The following MEGF8 variants were observed in gnomAD, a reference collection of about 807,000 sequenced individuals.
MEGF8 encodes multiple EGF like domains 8.
A neutral mutation model predicts 302.9 loss-of-function variants in MEGF8; 156 were observed. That is an observed-to-expected ratio of 0.52 (90% CI 0.45 to 0.59). The LOEUF is 0.59. Among genes scored for constraint, MEGF8 ranks in the 20% least tolerant of loss-of-function variants. The pLI, the probability that MEGF8 is intolerant of heterozygous loss-of-function variation, is 0.00. For missense variants in MEGF8, 3,345 were observed against 3,964.5 expected (o/e 0.84, Z 4.20); for synonymous variants, 1,621 against 1,660.5 (o/e 0.98, Z 0.58).
chr19:42,353,629 G>T lies in MEGF8; in HGVS notation c.3715G>T (p.Gly1239Cys). Residue 1239 changes from glycine (G) to cysteine (C), a missense_variant, in exon 21 of 42, where the codon GGT becomes TGT. Physicochemically the swap from Gly to Cys is radical, Grantham distance 159. Coordinates refer to ENST00000251268, the MANE Select transcript of MEGF8 (RefSeq NM_001271938.2). This position sits in a 1 kb window ranked among gnomAD's most constrained non-coding sequence, Gnocchi z 6.1. ...GLCFCQDHTE[G>C]AHCQLCSPGY... ...CTGCTTCTGCCAGGACCACACCGAG[G>T]GTGCCCACTGCCAGCTCTGCTCCCC... 2 of 1,582,226 alleles carry T rather than the reference G, an allele frequency of 1.3e-6. No homozygotes were observed. The highest frequency in any genetic ancestry group is 1.7e-6 in the Non-Finnish European group (2 of 1,162,334).
chr19:42,350,530 A>G, intron 15 of MEGF8, 146 bp downstream of exon 15: 1 of 724,230 alleles, frequency 1.4e-6, no homozygotes, highest in South Asian at 1.9e-5. Context: ...GGAGGGTGAG[A>G]TGGAGCTGTA....
In MEGF8 at chr19:42,348,372, G is replaced by T; in HGVS notation, c.2198G>T (p.Gly733Val). The change falls in exon 13 of 42, where the codon GGG becomes GTG. Residue 733 changes from glycine (G) to valine (V), a missense_variant. Transcript: ENST00000251268. ...TTCATCTACCCAATGCTGCCTGGAG[G>T]GCCAGGTGGACCAGGGGCTGAGGAC... ...RGFIYPMLPG[G>V]PGGPGAEDVA... The T allele has an allele frequency of 6.5e-7, 1 of 1,537,360 alleles. No homozygotes were observed. The highest frequency in any genetic ancestry group is 8.7e-7 in the Non-Finnish European group (1 of 1,146,914).
Position 42,356,831 on chromosome 19 carries a change from C to A in MEGF8, c.4680C>A (p.Gly1560=). 1.3e-6 allele frequency: 2 copies of A among 1,561,968 alleles called. No homozygotes were observed. Among genetic ancestry groups the A allele is most frequent in the Non-Finnish European group, 1.7e-6 (2 of 1,153,338 alleles). The part of the protein sequence containing the change: ...TQMLAGAEDG[G]PGPSPRSFHA... Reference sequence around the variant, plus strand: ...TGCTGGCGGGAGCCGAGGACGGGGGCCCAGGCCCATCGCCCCGCTCCTTCC... The same window carrying A: ...TGCTGGCGGGAGCCGAGGACGGGGGACCAGGCCCATCGCCCCGCTCCTTCC... The change falls in exon 27 of 42, where the codon GGC becomes GGA. Residue 1560 remains glycine (G), a synonymous_variant. Transcript: ENST00000251268. The surrounding 1 kb of genome is among the most constrained non-coding windows in gnomAD (Gnocchi z 5.2).
rs139822806 is a variant in MEGF8 at position 42,356,106 on chromosome 19, C to T, written c.4416C>T (p.Ala1472=). Residue 1472 remains alanine, a synonymous_variant, in exon 25 of 42, where the codon GCC becomes GCT. Transcript: ENST00000251268. The surrounding 1 kb of genome is among the most constrained non-coding windows in gnomAD (Gnocchi z 5.2). ...AGAGCCTGGGTGTGTGCATCTGTGCCGAGGGCTTCGGGGGCCCCGACTGCG... is the reference window on the plus strand; with the variant it reads ...AGAGCCTGGGTGTGTGCATCTGTGCTGAGGGCTTCGGGGGCCCCGACTGCG... The part of the protein sequence containing the change: ...CNQSLGVCIC[A]EGFGGPDCAT... The T allele has an allele frequency of 2.1e-5, 34 of 1,587,370 alleles. No individual in the cohort carries two copies. The highest frequency in any genetic ancestry group is 1.0e-4 in the Admixed American group (6 of 57,718).
chr19:42,334,233 T>C lies in MEGF8; in HGVS notation c.558+20T>C, dbSNP rs748792135. On this transcript the variant is annotated intron_variant, in intron 3 of 41. Coordinates refer to ENST00000251268, the MANE Select transcript of MEGF8 (RefSeq NM_001271938.2). ...GCCTCGGTGAGCCGGTCCCCAGCCC[T>C]GTTTCCCCTGGGGCCCTGATCTGTG... The C allele has an allele frequency of 1.3e-6, 2 of 1,567,600 alleles. No homozygotes were observed. Among genetic ancestry groups the C allele is most frequent in the South Asian group, 2.4e-5 (2 of 85,030 alleles).
At chr19:42,343,809 T>TG (rs2039248616) in intron 9 of MEGF8, 145 bp from the exon 10 acceptor site, 3 of 1,370,374 alleles carry the variant, frequency 2.2e-6, no homozygotes, top group Non-Finnish European at 2.9e-6. Flanking sequence ...TCCCTGGGCC[T>TG]GGGGGAGGAA....
intron 15 of MEGF8, 78 bp downstream of exon 15, chr19:42,350,462 G>T (rs563763597): frequency 1.2e-4 from 149 of 1,273,010 alleles, no homozygotes; most frequent in Non-Finnish European, 1.5e-4. Flanking sequence ...GGAACCCCTG[G>T]TGGGGGGTGT....
rs191394895 is a variant in MEGF8 at position 42,357,338 on chromosome 19, G to A, written c.4831-66G>A. The A allele has an allele frequency of 1.3e-4, 202 of 1,549,276 alleles. No individual in the cohort carries two copies. Among genetic ancestry groups the A allele is most frequent in the East Asian group, 1.0e-3 (44 of 44,168 alleles). ...GGAGGACTGTGGGGGGCTGAGGCTC[G>A]CTTCTACCCACAAGGTGACCCCTGA... On this transcript the variant is annotated intron_variant, in intron 27 of 41. Transcript: ENST00000251268. The surrounding 1 kb of genome is among the most constrained non-coding windows in gnomAD (Gnocchi z 5.2).
chr19:42,342,972 C>G (rs998235997), intron 8 of MEGF8, among the ~76,000 whole-genome samples: 5 of 152,148 alleles, frequency 3.3e-5, no homozygotes, highest in Admixed American at 2.6e-4. Flanking sequence ...CTAAGTCTCA[C>G]AGATTGGGAA....
chr19:42,345,256 G>A (rs377549655), intron 12 of MEGF8, among the ~76,000 whole-genome samples: 1 of 152,244 alleles, frequency 6.6e-6, no homozygotes, highest in East Asian at 1.9e-4. Context: ...ACAGGCATGA[G>A]CCGCTGTGCC....
chr19:42,344,814 A>G lies in MEGF8; in HGVS notation c.2078A>G (p.Asn693Ser), dbSNP rs142485616. 5 of 1,593,280 alleles carry G rather than the reference A, an allele frequency of 3.1e-6. No individual in the cohort carries two copies. The highest frequency in any genetic ancestry group is 4.3e-6 in the Non-Finnish European group (5 of 1,168,134). The change falls in exon 12 of 42, where the codon AAT becomes AGT. Residue 693 changes from asparagine to serine, a missense_variant. Coordinates refer to ENST00000251268, the MANE Select transcript of MEGF8 (RefSeq NM_001271938.2). This position sits in a 1 kb window ranked among gnomAD's most constrained non-coding sequence, Gnocchi z 4.5. ...LHLLTFQQPP[N>S]TSQPDKVSIV... ...TTGCTCACCTTTCAGCAGCCGCCCA[A>G]TACCTCCCAGCCTGACAAGGTGGGT...
Position 42,375,919 on chromosome 19 carries a change from C to G in MEGF8, c.7682C>G (p.Pro2561Arg), listed in dbSNP as rs775678472. The change falls in exon 42 of 42, where the codon CCA becomes CGA. Residue 2561 changes from proline to arginine, a missense_variant. Coordinates refer to ENST00000251268, the MANE Select transcript of MEGF8 (RefSeq NM_001271938.2). This position sits in a 1 kb window ranked among gnomAD's most constrained non-coding sequence, Gnocchi z 7.1. ...GGGGCCAGCAGTGGGCCGGGCGCCC[C>G]AGCAGAGCCACGGGTACGGGAGGTA... ...GAGASSGPGA[P>R]AEPRVREVWP... 6.3e-7 allele frequency: 1 copy of G among 1,599,894 alleles called. No homozygotes were observed.
chr19:42,331,148 G>A (rs1600007130), intron 1 of MEGF8, among the ~76,000 whole-genome samples: 1 of 152,184 alleles, frequency 6.6e-6, no homozygotes, highest in East Asian at 1.9e-4. Flanking sequence ...AAGCTGGCAG[G>A]CTGGAGTCAT....
chr19:42,343,885 C>G (rs1009625563), intron 9 of MEGF8, 69 bp from the exon 10 acceptor site: 1 of 1,552,422 alleles, frequency 6.4e-7, no homozygotes, highest in East Asian at 2.3e-5. Flanking sequence ...CTTGGGAGGC[C>G]GGCCCAGGTC....
At position 42,362,601 on chromosome 19, in the gene MEGF8, A is replaced by G. The variant is rs755547535; in HGVS notation, c.6058+4A>G. On this transcript the variant is annotated splice_donor_region_variant and intron_variant, in intron 34 of 41. Coordinates refer to ENST00000251268, the MANE Select transcript of MEGF8 (RefSeq NM_001271938.2). ...ACGCGGCAGTTCAAGAGGACAGGTGAGCAGTGGGCCTAGTTCCTGAGAGGG... is the reference window on the plus strand; with the variant it reads ...ACGCGGCAGTTCAAGAGGACAGGTGGGCAGTGGGCCTAGTTCCTGAGAGGG... The G allele has an allele frequency of 1.2e-6, 2 of 1,608,520 alleles. No homozygotes were observed. The highest frequency in any genetic ancestry group is 1.4e-5 in the African/African-American group (1 of 74,002).
rs906304077 is a variant in MEGF8 at position 42,329,141 on chromosome 19, G to A, written c.187+2711G>A. Among the ~76,000 whole-genome samples, 7 of 152,210 alleles carry A rather than the reference G, an allele frequency of 4.6e-5. No individual in the cohort carries two copies. The East Asian group carries it at 5.8e-4, about 13-fold the overall frequency. ...TGTCTCAGGATCCCCATCTAGGTTT[G>A]CCTGGTCTTATGGCACTTTTGACTG... is the stretch of plus-strand genomic sequence containing the variant. On this transcript the variant is annotated intron_variant, in intron 1 of 41. Transcript: ENST00000251268.
chr19:42,361,663 A>AC (rs940372900), intron 32 of MEGF8, among the ~76,000 whole-genome samples: 17 of 151,262 alleles, frequency 1.1e-4, no homozygotes, highest in African/African-American at 1.7e-4. Context: ...GGGATTGTGG[A>AC]CCCCCCCTGT....
In MEGF8 at chr19:42,344,331, C is replaced by A; in HGVS notation, c.1789-110C>A. 7.6e-7 allele frequency: 1 copy of A among 1,323,310 alleles called. No individual in the cohort carries two copies. The highest frequency in any genetic ancestry group is 9.9e-7 in the Non-Finnish European group (1 of 1,006,174). 82.0% of individuals were successfully genotyped at this position (1,323,310 alleles called of 1,614,324 possible). ...CCACATTCCAAGTCAACTCCCCGTT[C>A]TTCAGTTTTTTCGCCCTTTCCATCG... On this transcript the variant is annotated intron_variant, in intron 10 of 41. Coordinates refer to ENST00000251268, the MANE Select transcript of MEGF8 (RefSeq NM_001271938.2). The surrounding 1 kb of genome is among the most constrained non-coding windows in gnomAD (Gnocchi z 4.5).
chr19:42,334,988 T>C (rs1437187719), intron 3 of MEGF8, 47 bp from the exon 4 acceptor site: 1 of 1,556,910 alleles, frequency 6.4e-7, no homozygotes, highest in South Asian at 1.2e-5. Context: ...CTCTCTGTCC[T>C]TGTCTCTCCC....
Sources: gnomAD v4.1 joint callset for allele counts (sites outside exome capture counted in the v4.1 genomes callset) on GRCh38, gnomAD v4.1.1 for gene constraint, Gnocchi (gnomAD v3.1) non-coding constraint, MANE v1.5 for transcripts, NCBI Gene and HGNC (gene_info 2026-07-23, HGNC 2026-07-21) for gene names.